Variants in RIN2 observed in about 807,000 individuals in gnomAD.
The protein encoded by RIN2 is RAB5 interacting protein 2.
A neutral mutation model predicts 78.0 loss-of-function variants in RIN2; 36 were observed. That is an observed-to-expected ratio of 0.46 (90% confidence interval 0.35 to 0.61). RIN2 has a LOEUF of 0.61. Among genes scored for constraint, RIN2 ranks in the 20% least tolerant of loss-of-function variants. RIN2 has a pLI of 0.00. For missense variants in RIN2, 1,087 were observed against 1,159.7 expected, an observed-to-expected ratio of 0.94 and a Z score of 0.91; for synonymous variants, 466 against 466.8, an observed-to-expected ratio of 1.00 and a Z score of 0.02.
At position 19,761,187 on chromosome 20, in the gene RIN2, T is replaced by C. The variant is rs536972762; in HGVS notation, c.-163+2860T>C. On this transcript the variant is annotated intron_variant, in intron 1 of 12. Transcript: ENST00000255006. ...CGTTTCTCACAACAGTAGTATTCAT[T>C]GCATTTTGTAGGTGAGGAAATGAAA... 4.1e-4 allele frequency among the ~76,000 whole-genome samples: 63 copies of C among 152,358 alleles called. 1 individual carries two copies. The South Asian group carries it at 4.6e-3, about 11-fold the overall frequency.
In RIN2 at chr20:19,990,292, G is replaced by C. The variant is rs753883815; in HGVS notation, c.2049G>C (p.Thr683=). 1.2e-6 allele frequency: 2 copies of C among 1,612,532 alleles called. No individual in the cohort carries two copies. The highest frequency in any genetic ancestry group is 1.7e-5 in the Admixed American group (1 of 59,966). The change falls in exon 10 of 13, where the codon ACG becomes ACC. Residue 683 remains threonine, a synonymous_variant. Coordinates refer to ENST00000255006, the MANE Select transcript of RIN2 (RefSeq NM_018993.4). ...LLLRVCKLIY[T]VMENNSGRMY... The stretch of plus-strand genomic sequence containing the variant: ...TGCGGGTCTGCAAGCTCATTTACAC[G>C]GTCATGGAGAACAACTCAGGTGAGG...
At chr20:19,793,779 C>T (rs555613208) in intron 1 of RIN2, among the ~76,000 whole-genome samples, 1 of 152,298 alleles carries the variant, frequency 6.6e-6, no homozygotes, top group East Asian at 1.9e-4. Flanking sequence ...GACAATTCAT[C>T]GTTTTGTAGG....
chr20:19,785,300 A>ACACC (rs201109261), intron 1 of RIN2, among the ~76,000 whole-genome samples: 6 of 148,142 alleles, frequency 4.1e-5, no homozygotes, highest in African/African-American at 1.5e-4. Context: ...ACACACACAC[A>ACACC]CCAGAGCAAA....
At chr20:19,839,369 C>G (rs1002532527) in intron 2 of RIN2, among the ~76,000 whole-genome samples, 4 of 152,222 alleles carry the variant, frequency 2.6e-5, no homozygotes, top group Non-Finnish European at 4.4e-5. Context: ...CTAGATCCGC[C>G]GTATCATACC....
chr20:19,975,886 A>G lies in RIN2; in HGVS notation c.1762+99A>G. Reference sequence around the variant, plus strand: ...TTTTATGAAGTTTACTCCGAAGTTCAAAACAACACCCAGCTCCACCTTCTC... The same window carrying G: ...TTTTATGAAGTTTACTCCGAAGTTCGAAACAACACCCAGCTCCACCTTCTC... On this transcript the variant is annotated intron_variant, in intron 9 of 12. Coordinates refer to ENST00000255006, the MANE Select transcript of RIN2 (RefSeq NM_018993.4). The surrounding 1 kb of genome is among the most constrained non-coding windows in gnomAD (Gnocchi z 4.9). 1 of 1,127,698 alleles carries G rather than the reference A, an allele frequency of 8.9e-7. No individual in the cohort carries two copies. Among genetic ancestry groups the G allele is most frequent in the South Asian group, 1.3e-5 (1 of 74,454 alleles). The allele number at this position is 1,127,698 out of a possible 1,614,324, so 69.9% of individuals were successfully genotyped here.
At chr20:19,844,412 A>C (rs1353812555) in intron 2 of RIN2, among the ~76,000 whole-genome samples, 1 of 152,220 alleles carries the variant, frequency 6.6e-6, no homozygotes, top group African/African-American at 2.4e-5. Flanking sequence ...GCATGCAACC[A>C]TATTGCTTTC....
chr20:19,960,526 G>T (rs571709647), intron 5 of RIN2, among the ~76,000 whole-genome samples, 174 bp from the exon 6 acceptor site: 177 of 152,314 alleles, frequency 1.2e-3, no homozygotes, highest in African/African-American at 4.0e-3. Context: ...ATGAACAAAG[G>T]TGTCTGCAGC....
intron 1 of RIN2, among the ~76,000 whole-genome samples, chr20:19,766,783 T>C (rs1196703997): frequency 6.6e-6 from 1 of 151,902 alleles, no homozygotes; most frequent in Non-Finnish European, 1.5e-5. Context: ...TAGCTGGGCG[T>C]TGTGGCACGC....
At chr20:19,908,501 AAAAAG>A (rs1473322634) in intron 3 of RIN2, among the ~76,000 whole-genome samples, 3 of 151,898 alleles carry the variant, frequency 2.0e-5, no homozygotes, top group Non-Finnish European at 2.9e-5. Context: ...AAAAAAAAAA[AAAAAG>A]AAAGAAAGAA....
intron 9 of RIN2, among the ~76,000 whole-genome samples, chr20:19,986,089 G>GA (rs1369889381): frequency 6.6e-6 from 1 of 152,084 alleles, no homozygotes; most frequent in African/African-American, 2.4e-5. Context: ...AGAGATCATA[G>GA]AAAAAAATGG....
At chr20:19,848,534 C>CAAAAAAAAAAAAAAAAAAAAAAAA (rs11352724) in intron 2 of RIN2, among the ~76,000 whole-genome samples, 1 of 52,836 alleles carries the variant, frequency 1.9e-5, no homozygotes, top group Non-Finnish European at 4.3e-5. Context: ...GACTCCATCT[C>CAAAAAAAAAAAAAAAAAAAAAAAA]AAAAAAAAAA....
intron 3 of RIN2, among the ~76,000 whole-genome samples, chr20:19,928,063 C>T (rs766015695): frequency 1.7e-4 from 26 of 152,026 alleles, no homozygotes; most frequent in African/African-American, 3.4e-4. Flanking sequence ...CCACCATGCC[C>T]GGCTAATTTT....
At position 19,823,826 on chromosome 20, in the gene RIN2, T is replaced by C. The variant is rs1486699386; in HGVS notation, c.-37+24079T>C. 3 of 1,605,778 alleles carry C rather than the reference T, an allele frequency of 1.9e-6. No individual in the cohort carries two copies. In the African/African-American group the frequency reaches 4.0e-5, roughly 21 times the overall value. ...TTGGCAATGTCATCACCAACCTTTT[T>C]TGGAGACAGACCCAGGGGGCCGATC... On this transcript the variant is annotated intron_variant, in intron 2 of 12. Transcript: ENST00000255006.
chr20:19,921,373 G>C (rs751171142), intron 3 of RIN2, among the ~76,000 whole-genome samples: 1 of 152,156 alleles, frequency 6.6e-6, no homozygotes, highest in Non-Finnish European at 1.5e-5. Context: ...ATCCCATCCA[G>C]CTGAGGTTAT....
intron 2 of RIN2, among the ~76,000 whole-genome samples, chr20:19,883,139 C>T (rs2038077070): frequency 6.6e-6 from 1 of 152,120 alleles, no homozygotes; most frequent in African/African-American, 2.4e-5. Context: ...CAATCATATT[C>T]CAAGTGAGTT....
At chr20:19,850,947 C>T (rs187256390) in intron 2 of RIN2, among the ~76,000 whole-genome samples, 7 of 150,140 alleles carry the variant, frequency 4.7e-5, no homozygotes, top group East Asian at 4.0e-4. Flanking sequence ...GCACTCCAGC[C>T]TGGGCAACAA....
intron 2 of RIN2, among the ~76,000 whole-genome samples, chr20:19,806,433 T>A (rs62203180): frequency 0.15 from 22,340 of 152,168 alleles, 2,134 homozygotes; most frequent in African/African-American, 0.28. Context: ...TGAGATGGAC[T>A]TTTTAAAAAG....
At chr20:19,995,285 A>G (rs1274550506) in intron 11 of RIN2, among the ~76,000 whole-genome samples, 10 of 150,948 alleles carry the variant, frequency 6.6e-5, no homozygotes, top group Non-Finnish European at 1.5e-4. Flanking sequence ...AAAACAAAAC[A>G]CATTCATAAA....
At chr20:19,826,321 A>G (rs1038093497) in intron 2 of RIN2, among the ~76,000 whole-genome samples, 1 of 152,202 alleles carries the variant, frequency 6.6e-6, no homozygotes, top group Admixed American at 6.5e-5. Flanking sequence ...TTGTGCTAAG[A>G]AGTGCTTTTT....
Sources: gnomAD v4.1 joint callset for allele counts (sites outside exome capture counted in the v4.1 genomes callset) on GRCh38, gnomAD v4.1.1 for gene constraint, Gnocchi (gnomAD v3.1) non-coding constraint, MANE v1.5 for transcripts, NCBI Gene and HGNC (gene_info 2026-07-23, HGNC 2026-07-21) for gene names.